CNTN5: variants seen among roughly 807,000 people sequenced by gnomAD.
The protein encoded by CNTN5 is contactin 5.
CNTN5 carries 77 observed loss-of-function variants against 129.1 expected under a neutral mutation model. That is an observed-to-expected ratio of 0.60 (90% CI 0.50 to 0.72). The LOEUF is 0.72. Among genes scored for constraint, CNTN5 ranks in the 30% least tolerant of loss-of-function variants. CNTN5 has a pLI of 0.00. For synonymous variants in CNTN5, 509 were observed against 465.6 expected (o/e 1.09, Z -1.20); for missense variants, 1,478 against 1,328.8 (o/e 1.11, Z -1.75).
intron 7 of CNTN5, among the ~76,000 whole-genome samples, chr11:99,948,959 G>T (rs923966757): frequency 2.0e-5 from 3 of 152,168 alleles, no homozygotes; most frequent in Non-Finnish European, 2.9e-5. Flanking sequence ...AGGGGAGAGG[G>T]TGCAAATAGC....
chr11:100,230,061 G>A (rs1360401021), intron 16 of CNTN5, among the ~76,000 whole-genome samples: 2 of 152,120 alleles, frequency 1.3e-5, no homozygotes, highest in African/African-American at 4.8e-5. Context: ...AATGTTTTCA[G>A]TATAACTTTT....
intron 24 of CNTN5, among the ~76,000 whole-genome samples, chr11:100,355,550 T>C (rs2139049835): frequency 6.6e-6 from 1 of 151,860 alleles, no homozygotes; most frequent in South Asian, 2.1e-4. Flanking sequence ...ATTATACGTT[T>C]ATACAACTAG....
chr11:99,508,592 T>C (rs1591184333), intron 2 of CNTN5, among the ~76,000 whole-genome samples: 1 of 152,186 alleles, frequency 6.6e-6, no homozygotes, highest in East Asian at 1.9e-4. Flanking sequence ...TGCAATTAGC[T>C]GTATATAAAA....
At chr11:99,952,933 G>A (rs552760628) in intron 7 of CNTN5, among the ~76,000 whole-genome samples, 45 of 152,188 alleles carry the variant, frequency 3.0e-4, no homozygotes, top group African/African-American at 8.2e-4. Context: ...GGACAGTTTC[G>A]TTATTAATTG....
At chr11:100,286,069 A>G in intron 18 of CNTN5, among the ~76,000 whole-genome samples, 1 of 152,156 alleles carries the variant, frequency 6.6e-6, no homozygotes, top group Non-Finnish European at 1.5e-5. Context: ...ACGGCCCAAC[A>G]CGAGATTATA....
At chr11:99,697,481 A>T in intron 3 of CNTN5, among the ~76,000 whole-genome samples, 1 of 151,788 alleles carries the variant, frequency 6.6e-6, no homozygotes, top group East Asian at 1.9e-4. Context: ...AAACATCAGA[A>T]AATTTCAAGA....
At chr11:100,287,315 C>T (rs1156426280) in intron 18 of CNTN5, among the ~76,000 whole-genome samples, 4 of 151,364 alleles carry the variant, frequency 2.6e-5, no homozygotes, top group Non-Finnish European at 4.4e-5. Flanking sequence ...TCAGATTCAC[C>T]AAAGTTGAAA....
intron 3 of CNTN5, among the ~76,000 whole-genome samples, chr11:99,770,421 C>T (rs1340266080): frequency 6.6e-6 from 1 of 151,920 alleles, no homozygotes; most frequent in African/African-American, 2.4e-5. Context: ...AAAGCGTATA[C>T]ATGTGTGCAT....
intron 1 of CNTN5, among the ~76,000 whole-genome samples, chr11:99,243,121 T>G (rs549414535): frequency 2.0e-5 from 3 of 152,134 alleles, no homozygotes; most frequent in African/African-American, 7.2e-5. Flanking sequence ...CATTCCTTAT[T>G]TGCAGGCTCA....
At chr11:99,044,097 A>G (rs1338377699) in intron 1 of CNTN5, among the ~76,000 whole-genome samples, 1 of 152,208 alleles carries the variant, frequency 6.6e-6, no homozygotes, top group Non-Finnish European at 1.5e-5. Flanking sequence ...TAGGTAAAGA[A>G]CATGAAGTAA....
intron 1 of CNTN5, among the ~76,000 whole-genome samples, chr11:99,175,286 A>G (rs1436160550): frequency 6.6e-6 from 1 of 152,162 alleles, no homozygotes; most frequent in African/African-American, 2.4e-5. Flanking sequence ...TTACTCATGA[A>G]TGTTCATGGT....
At chr11:99,477,966 T>C (rs1371855843) in intron 2 of CNTN5, among the ~76,000 whole-genome samples, 3 of 152,060 alleles carry the variant, frequency 2.0e-5, no homozygotes. Flanking sequence ...TAGAGACACA[T>C]TGCAGAGGTT....
intron 2 of CNTN5, among the ~76,000 whole-genome samples, chr11:99,410,959 A>G (rs1942363915): frequency 6.6e-6 from 1 of 152,210 alleles, no homozygotes; most frequent in South Asian, 2.1e-4. Context: ...ATAGAAAGCA[A>G]GTAGATTTCC....
intron 8 of CNTN5, among the ~76,000 whole-genome samples, chr11:99,975,454 T>C (rs1021737947): frequency 2.0e-5 from 3 of 152,072 alleles, no homozygotes; most frequent in African/African-American, 7.2e-5. Context: ...TTTGGCAAAA[T>C]GCGGCAGACC....
At chr11:100,197,386 C>T (rs1199054508) in intron 15 of CNTN5, among the ~76,000 whole-genome samples, 1 of 151,912 alleles carries the variant, frequency 6.6e-6, no homozygotes, top group Non-Finnish European at 1.5e-5. Context: ...CTGTGTGGAG[C>T]AGGGATTGGC....
intron 4 of CNTN5, among the ~76,000 whole-genome samples, chr11:99,821,076 C>G (rs755964637): frequency 6.6e-6 from 1 of 152,120 alleles, no homozygotes; most frequent in African/African-American, 2.4e-5. Flanking sequence ...TTTTAACTTT[C>G]TATTACCTTA....
intron 3 of CNTN5, among the ~76,000 whole-genome samples, chr11:99,780,833 A>C (rs1945286247): frequency 6.6e-6 from 1 of 152,124 alleles, no homozygotes. Flanking sequence ...TTAAAAGTGC[A>C]ACTTCAAGGA....
chr11:100,046,511 C>T (rs939984392), intron 9 of CNTN5, among the ~76,000 whole-genome samples: 5 of 151,926 alleles, frequency 3.3e-5, no homozygotes, highest in African/African-American at 9.7e-5. Flanking sequence ...TGCATTATGA[C>T]ATATGTAGTT....
At chr11:99,211,387 T>G (rs1859775513) in intron 1 of CNTN5, among the ~76,000 whole-genome samples, 5 of 152,106 alleles carry the variant, frequency 3.3e-5, no homozygotes. Flanking sequence ...TCTAGACAAT[T>G]TTTTAAATTT....
Sources: gnomAD v4.1 joint callset for allele counts (sites outside exome capture counted in the v4.1 genomes callset) on GRCh38, gnomAD v4.1.1 for gene constraint, MANE v1.5 for transcripts, NCBI Gene and HGNC (gene_info 2026-07-23, HGNC 2026-07-21) for gene names.